DLEC1: variants seen among roughly 807,000 people sequenced by gnomAD.
DLEC1 encodes the protein DLEC1 cilia and flagella associated protein.
DLEC1 carries 146 observed loss-of-function variants against 198.1 expected under a neutral mutation model. The ratio of observed to expected loss-of-function variants is 0.74; its 90% CI spans 0.64 to 0.85. The LOEUF (loss-of-function observed/expected upper bound fraction) is 0.85. DLEC1 is among the 40% of genes least tolerant of loss of function. DLEC1 has a pLI of 0.00. For missense variants in DLEC1, 2,233 were observed against 2,220.0 expected, an observed-to-expected ratio of 1.01 and a Z score of -0.12; for synonymous variants, 897 against 866.8, an observed-to-expected ratio of 1.03 and a Z score of -0.61.
intron 19 of DLEC1, among the ~76,000 whole-genome samples, chr3:38,104,840 GT>G (rs1444688212): frequency 2.6e-5 from 4 of 152,022 alleles, no homozygotes; most frequent in Non-Finnish European, 5.9e-5. Flanking sequence ...CTTGCTTTGG[GT>G]TTAGTTTGCT....
At chr3:38,085,855 C>T (rs1698428321) in intron 8 of DLEC1, among the ~76,000 whole-genome samples, 1 of 152,158 alleles carries the variant, frequency 6.6e-6, no homozygotes, top group South Asian at 2.1e-4. Context: ...AAGCTGGCTT[C>T]AGCTGGGCTC....
intron 19 of DLEC1, among the ~76,000 whole-genome samples, chr3:38,104,236 C>T (rs1699452232): frequency 6.6e-6 from 1 of 152,126 alleles, no homozygotes; most frequent in Non-Finnish European, 1.5e-5. Context: ...GTGGACGGAT[C>T]ACCTAAGGTC....
chr3:38,077,572 G>T (rs1387200001), intron 6 of DLEC1, among the ~76,000 whole-genome samples: 2 of 152,168 alleles, frequency 1.3e-5, no homozygotes, highest in Non-Finnish European at 2.9e-5. Flanking sequence ...CTGAAAAACT[G>T]CTTGGCTGAT....
chr3:38,053,696 A>G (rs902393643), intron 2 of DLEC1, among the ~76,000 whole-genome samples: 3 of 152,136 alleles, frequency 2.0e-5, no homozygotes, highest in African/African-American at 4.8e-5. Flanking sequence ...TGGGAGGTGT[A>G]CCCAACAGCT....
chr3:38,102,721 C>T (rs1420221361), intron 19 of DLEC1, among the ~76,000 whole-genome samples: 1 of 152,180 alleles, frequency 6.6e-6, no homozygotes, highest in Non-Finnish European at 1.5e-5. Context: ...AGCCTGAATC[C>T]ATCAGAGAAA....
rs1402541963 is a variant in DLEC1, at chr3:38,117,921, G to C, written c.4601G>C (p.Ser1534Thr). ...TTCTCCGTTTCTCAAGATGGGGCGA[G>C]CCAGGACCACAGAGCTCCTGGCCCT... Reference protein sequence around the residue: ...RPFSVSQDGASQDHRAPGPGQ... With the variant: ...RPFSVSQDGATQDHRAPGPGQ... The change falls in exon 33 of 37, where the codon AGC becomes ACC. Residue 1534 changes from serine (S) to threonine (T), a missense_variant. Physicochemically the swap from Ser to Thr is moderately conservative, Grantham distance 58. Transcript: ENST00000308059. 6.2e-7 allele frequency: 1 copy of C among 1,614,150 alleles called. No homozygotes were observed. The highest frequency in any genetic ancestry group is 1.1e-5 in the South Asian group (1 of 91,084).
chr3:38,083,800 G>T (rs1162289571), intron 6 of DLEC1, among the ~76,000 whole-genome samples: 6 of 146,156 alleles, frequency 4.1e-5, no homozygotes, highest in African/African-American at 1.3e-4. Context: ...TAATTTTTTT[G>T]TTTTTTTTTT....
chr3:38,085,019 G>T (rs1698368105), intron 7 of DLEC1, among the ~76,000 whole-genome samples: 1 of 152,192 alleles, frequency 6.6e-6, no homozygotes, highest in South Asian at 2.1e-4. Context: ...CTAAGCCATA[G>T]GGCCAGGCAT....
In DLEC1 at chr3:38,116,677, G is replaced by T. The variant is rs1397132227; in HGVS notation, c.4062+19G>T. 1.9e-6 allele frequency: 3 copies of T among 1,613,048 alleles called. No individual in the cohort carries two copies. In the Admixed American group the frequency reaches 5.0e-5, roughly 27 times the overall value. On this transcript the variant is annotated intron_variant, in intron 28 of 36. Coordinates refer to ENST00000308059, the MANE Select transcript of DLEC1 (RefSeq NM_007335.4). The stretch of plus-strand genomic sequence containing the variant: ...CTCATCAGTGAGCAGGGGTGGAGGG[G>T]CGGGGCAGGCTGGCCACTGAGGGCC...
chr3:38,123,765 G>GGCCGAGGCGGGAGGAT lies in DLEC1; in HGVS notation c.*1354_*1369dup, dbSNP rs1251720396. The GGCCGAGGCGGGAGGAT allele has an allele frequency of 6.6e-6, 1 of 152,198 alleles. No individual in the cohort carries two copies. Among genetic ancestry groups the GGCCGAGGCGGGAGGAT allele is most frequent in the African/African-American group, 2.4e-5 (1 of 41,424 alleles). The allele number at this position is 152,198 out of a possible 1,614,324, so 9.4% of individuals were successfully genotyped here. ...AACCTGTAATCCCAACACTTTGGGA[G>GGCCGAGGCGGGAGGAT]GCCGAGGCGGGAGGATCACGAGGTC... On this transcript the variant is annotated 3_prime_UTR_variant, in exon 37 of 37. Transcript: ENST00000308059.
intron 6 of DLEC1, among the ~76,000 whole-genome samples, chr3:38,071,698 A>C (rs1423594872): frequency 6.6e-6 from 1 of 152,208 alleles, no homozygotes. Context: ...TGCCTCTTGC[A>C]GTGAATGACC....
rs1018782350 is a variant in DLEC1, at chr3:38,118,433, G to T, written c.4704+409G>T. Reference sequence around the variant, plus strand: ...TGTCCCAGCTCAGGTGAGCCCATGGGGTTGCCATAATTGTAAGACACTCCA... The same window carrying T: ...TGTCCCAGCTCAGGTGAGCCCATGGTGTTGCCATAATTGTAAGACACTCCA... On this transcript the variant is annotated intron_variant, in intron 33 of 36. Coordinates refer to ENST00000308059, the MANE Select transcript of DLEC1 (RefSeq NM_007335.4). Among the ~76,000 whole-genome samples, 9 of 152,138 alleles carry T rather than the reference G, an allele frequency of 5.9e-5. No homozygotes were observed. The South Asian group carries it at 1.9e-3, about 31-fold the overall frequency.
At chr3:38,117,457 T>C in intron 31 of DLEC1, 70 bp from the exon 32 acceptor site, 1 of 1,608,478 alleles carries the variant, frequency 6.2e-7, no homozygotes, top group Non-Finnish European at 8.5e-7. Flanking sequence ...CGAGGCTGGA[T>C]GAGCAGAGTG....
In DLEC1 at chr3:38,107,747, C is replaced by G. The variant is rs1699643610; in HGVS notation, c.3018+10C>G. 6.2e-7 allele frequency: 1 copy of G among 1,612,402 alleles called. No individual in the cohort carries two copies. Among genetic ancestry groups the G allele is most frequent in the South Asian group, 1.1e-5 (1 of 90,852 alleles). On this transcript the variant is annotated intron_variant, in intron 20 of 36. Coordinates refer to ENST00000308059, the MANE Select transcript of DLEC1 (RefSeq NM_007335.4). ...GTTCCACTGGGGCAAGGTGAGTGAG[C>G]CCACAGCATCAGGCAGCAGTCTGCA... is the stretch of plus-strand genomic sequence containing the variant.
intron 1 of DLEC1, 41 bp downstream of exon 1, chr3:38,039,677 G>A: frequency 6.4e-7 from 1 of 1,551,758 alleles, no homozygotes; most frequent in East Asian, 2.3e-5. Flanking sequence ...CGGTGCCGGG[G>A]TCTCAGCGCT....
intron 6 of DLEC1, among the ~76,000 whole-genome samples, chr3:38,072,499 G>A (rs149745826): frequency 1.3e-3 from 198 of 152,302 alleles, no homozygotes; most frequent in Admixed American, 9.7e-3. Flanking sequence ...TCGGCTGTGT[G>A]TAATGAAAAG....
At position 38,109,799 on chromosome 3, in the gene DLEC1, C is replaced by A. The variant is rs146270053; in HGVS notation, c.3260+237C>A. On this transcript the variant is annotated intron_variant, in intron 22 of 36. Coordinates refer to ENST00000308059, the MANE Select transcript of DLEC1 (RefSeq NM_007335.4). ...CTTGGAGGCGTGGTGCCCTGGCAGG[C>A]AGGAGATGGCAGGGGACAGGGCTGT... 1,551 of 748,686 alleles carry A rather than the reference C, an allele frequency of 2.1e-3. 4 individuals carry two copies. The highest frequency in any genetic ancestry group is 2.9e-3 in the Non-Finnish European group (1,398 of 475,104). 46.4% of individuals were successfully genotyped at this position (748,686 alleles called of 1,614,324 possible).
Position 38,122,123 on chromosome 3 carries a change from T to C in DLEC1, c.5073T>C (p.Ser1691=). 1 of 1,612,596 alleles carries C rather than the reference T, an allele frequency of 6.2e-7. No individual in the cohort carries two copies. The highest frequency in any genetic ancestry group is 8.5e-7 in the Non-Finnish European group (1 of 1,178,550). ...AAVAFRVSPN[S]GLLEARSANA... ...TGGCCTTCAGGGTCTCCCCAAACAG[T>C]GGGCTGCTAGAAGCACGATCCGCCA... The change falls in exon 36 of 37, where the codon AGT becomes AGC. Residue 1691 remains serine (S), a synonymous_variant. Coordinates refer to ENST00000308059, the MANE Select transcript of DLEC1 (RefSeq NM_007335.4).
chr3:38,053,969 C>T (rs944557562), intron 2 of DLEC1, among the ~76,000 whole-genome samples: 3 of 152,068 alleles, frequency 2.0e-5, no homozygotes, highest in African/African-American at 4.8e-5. Flanking sequence ...GCAAGATGTG[C>T]TTTGTTAAAC....
Sources: allele counts gnomAD v4.1 joint callset (sites outside exome capture counted in the v4.1 genomes callset), GRCh38; gene constraint gnomAD v4.1.1; transcripts MANE v1.5; gene names NCBI Gene and HGNC (gene_info 2026-07-23, HGNC 2026-07-21).